Variants in CDKAL1 observed in about 807,000 individuals in gnomAD.
CDKAL1 encodes the protein threonylcarbamoyladenosine tRNA methylthiotransferase.
CDKAL1 carries 32 observed loss-of-function variants against 68.2 expected under a neutral mutation model. That is an observed-to-expected ratio of 0.47 (90% CI 0.35 to 0.63). The LOEUF (loss-of-function observed/expected upper bound fraction) is 0.63. Ranked by LOEUF, CDKAL1 falls within the 30% of genes least tolerant of loss-of-function variation. The pLI, the probability that CDKAL1 is intolerant of heterozygous loss-of-function variation, is 0.00. For synonymous variants in CDKAL1, 234 were observed against 244.3 expected, an observed-to-expected ratio of 0.96 and a Z score of 0.39; for missense variants, 606 against 696.7, an observed-to-expected ratio of 0.87 and a Z score of 1.47.
At chr6:20,947,053 T>C (rs1224573514) in intron 9 of CDKAL1, among the ~76,000 whole-genome samples, 2 of 152,204 alleles carry the variant, frequency 1.3e-5, no homozygotes, top group Non-Finnish European at 2.9e-5. Flanking sequence ...CAGTATCTGG[T>C]ACATAATAGG....
chr6:20,634,228 T>G (rs1340005626), intron 4 of CDKAL1, among the ~76,000 whole-genome samples: 1 of 152,232 alleles, frequency 6.6e-6, no homozygotes, highest in Non-Finnish European at 1.5e-5. Context: ...ATTTTCAGTG[T>G]ATCACTTTTC....
chr6:20,673,522 G>A (rs1016941860), intron 5 of CDKAL1, among the ~76,000 whole-genome samples: 1 of 152,162 alleles, frequency 6.6e-6, no homozygotes, highest in Non-Finnish European at 1.5e-5. Flanking sequence ...TTGATCCATG[G>A]TTGGTTGAAT....
At chr6:21,192,707 ACAT>A (rs1778305866) in intron 13 of CDKAL1, among the ~76,000 whole-genome samples, 2 of 152,228 alleles carry the variant, frequency 1.3e-5, no homozygotes, top group Admixed American at 1.3e-4. Flanking sequence ...AATTAAATAA[ACAT>A]CATTTTATTT....
intron 13 of CDKAL1, among the ~76,000 whole-genome samples, chr6:21,153,121 A>G (rs1411889434): frequency 6.6e-6 from 1 of 151,840 alleles, no homozygotes; most frequent in South Asian, 2.1e-4. Flanking sequence ...AGTAATTTGT[A>G]TATGTCCCCA....
intron 11 of CDKAL1, among the ~76,000 whole-genome samples, chr6:21,061,441 A>G (rs1771134699): frequency 6.6e-6 from 1 of 152,170 alleles, no homozygotes; most frequent in African/African-American, 2.4e-5. Flanking sequence ...TAGTATTTAC[A>G]TACATTACAC....
intron 9 of CDKAL1, among the ~76,000 whole-genome samples, chr6:20,950,586 G>A (rs562338908): frequency 2.6e-5 from 4 of 152,238 alleles, no homozygotes; most frequent in African/African-American, 9.6e-5. Context: ...TCCTTAGTGG[G>A]AGAATACAGG....
intron 10 of CDKAL1, among the ~76,000 whole-genome samples, chr6:20,958,469 T>G (rs1197261473): frequency 1.3e-5 from 2 of 152,144 alleles, no homozygotes; most frequent in African/African-American, 4.8e-5. Context: ...GGAGCCCAAA[T>G]CTGGTGCTCC....
At chr6:20,965,889 GCA>G (rs1458083777) in intron 10 of CDKAL1, among the ~76,000 whole-genome samples, 1 of 152,188 alleles carries the variant, frequency 6.6e-6, no homozygotes, top group Admixed American at 6.5e-5. Context: ...TCCTTCAGAA[GCA>G]CAGAGAATGG....
chr6:20,616,543 A>G (rs12530056), intron 4 of CDKAL1, among the ~76,000 whole-genome samples: 38,124 of 140,900 alleles, frequency 0.27, 5,558 homozygotes, highest in East Asian at 0.52. Context: ...CTTTGAAGCA[A>G]TTGTGAATGG....
intron 9 of CDKAL1, among the ~76,000 whole-genome samples, chr6:20,921,649 G>A (rs1201895165): frequency 1.3e-5 from 2 of 152,132 alleles, no homozygotes; most frequent in Non-Finnish European, 2.9e-5. Context: ...TCAACCCTCA[G>A]CCTCTGGCCC....
At chr6:20,975,255 A>G (rs1007469066) in intron 10 of CDKAL1, among the ~76,000 whole-genome samples, 1 of 152,188 alleles carries the variant, frequency 6.6e-6, no homozygotes, top group Non-Finnish European at 1.5e-5. Context: ...TGCCTTGTAG[A>G]TATCAATGCT....
intron 9 of CDKAL1, among the ~76,000 whole-genome samples, chr6:20,866,207 T>C (rs1248054398): frequency 6.6e-6 from 1 of 152,174 alleles, no homozygotes; most frequent in Non-Finnish European, 1.5e-5. Flanking sequence ...GTTTCTCTAG[T>C]CTGGCCAACA....
intron 9 of CDKAL1, among the ~76,000 whole-genome samples, chr6:20,913,719 C>T (rs1245710777): frequency 6.6e-6 from 1 of 152,144 alleles, no homozygotes; most frequent in East Asian, 1.9e-4. Context: ...GATGGCTTAT[C>T]CCTGTAATCT....
intron 13 of CDKAL1, among the ~76,000 whole-genome samples, chr6:21,114,540 C>T (rs1426541851): frequency 6.6e-6 from 1 of 151,882 alleles, no homozygotes; most frequent in Non-Finnish European, 1.5e-5. Context: ...TGAGACCAGC[C>T]TGGACAACGT....
chr6:20,893,270 GCAGGTTA>G lies in CDKAL1; in HGVS notation c.742+47096_742+47102del, dbSNP rs1263022645. On this transcript the variant is annotated intron_variant, in intron 9 of 15. Transcript: ENST00000274695. ...ATTCATTCAAGTTGCTGCACTGAATGCAGGTTACAGCCTAGTGCCATGAGGTGTTCGC... is the reference window on the plus strand; with the variant it reads ...ATTCATTCAAGTTGCTGCACTGAATGCAGCCTAGTGCCATGAGGTGTTCGC... 2.6e-5 allele frequency among the ~76,000 whole-genome samples: 4 copies of G among 152,300 alleles called. No homozygotes were observed. In the East Asian group the frequency reaches 7.7e-4, roughly 29 times the overall value.
chr6:20,834,386 TGG>T (rs1230353119), intron 8 of CDKAL1, among the ~76,000 whole-genome samples: 1 of 152,122 alleles, frequency 6.6e-6, no homozygotes, highest in African/African-American at 2.4e-5. Flanking sequence ...AGGACAACTG[TGG>T]GGGTGGGAGT....
At chr6:20,637,036 CAAAAA>C (rs58986368) in intron 4 of CDKAL1, among the ~76,000 whole-genome samples, 20 of 113,260 alleles carry the variant, frequency 1.8e-4, no homozygotes, top group Non-Finnish European at 3.2e-4. Context: ...GACTCCGTCT[CAAAAA>C]AAAAAAAAAA....
intron 5 of CDKAL1, among the ~76,000 whole-genome samples, chr6:20,654,627 T>A (rs1768941058): frequency 6.6e-6 from 1 of 152,202 alleles, no homozygotes; most frequent in South Asian, 2.1e-4. Flanking sequence ...TTATTATTTT[T>A]TATTATGGTA....
At chr6:20,630,211 G>A (rs1345852537) in intron 4 of CDKAL1, among the ~76,000 whole-genome samples, 1 of 152,158 alleles carries the variant, frequency 6.6e-6, no homozygotes, top group East Asian at 1.9e-4. Flanking sequence ...GCCCCTCTTT[G>A]TGGCCAGCCC....
Sources: allele counts gnomAD v4.1 joint callset (sites outside exome capture counted in the v4.1 genomes callset), GRCh38; gene constraint gnomAD v4.1.1; transcripts MANE v1.5; gene names NCBI Gene and HGNC (gene_info 2026-07-23, HGNC 2026-07-21).